Variants in DGKG observed in about 807,000 individuals in gnomAD.
DGKG encodes the protein diacylglycerol kinase gamma.
Under a neutral mutation model 105.3 loss-of-function variants are expected in DGKG, and 78 were observed. The observed-to-expected ratio is 0.74, with a 90% CI of 0.62 to 0.89. DGKG has a LOEUF of 0.89. DGKG is among the 40% of genes least tolerant of loss of function. The pLI, the probability that DGKG is intolerant of heterozygous loss-of-function variation, is 0.00. For missense variants in DGKG, 958 were observed against 1,020.1 expected (o/e 0.94, Z 0.83); for synonymous variants, 346 against 367.1 (o/e 0.94, Z 0.66).
intron 3 of DGKG, among the ~76,000 whole-genome samples, chr3:186,304,086 G>A (rs548769587): frequency 3.3e-5 from 5 of 152,326 alleles, no homozygotes; most frequent in African/African-American, 9.6e-5. Flanking sequence ...GGGCGGCTGC[G>A]TGCTCATAGC....
intron 22 of DGKG, among the ~76,000 whole-genome samples, chr3:186,165,462 C>A (rs1716495351): frequency 6.6e-6 from 1 of 152,214 alleles, no homozygotes; most frequent in Admixed American, 6.5e-5. Context: ...TTTGGCCCCA[C>A]TGACAATGAC....
chr3:186,265,656 T>TC (rs754981872), intron 13 of DGKG, among the ~76,000 whole-genome samples: 3 of 131,718 alleles, frequency 2.3e-5, no homozygotes, highest in South Asian at 2.5e-4. Context: ...TTTCTTCCTT[T>TC]CTTTTTTTTT....
At chr3:186,359,201 C>A (rs1727116517) in intron 1 of DGKG, among the ~76,000 whole-genome samples, 2 of 152,082 alleles carry the variant, frequency 1.3e-5, no homozygotes, top group African/African-American at 4.8e-5. Flanking sequence ...AATTAGTGTA[C>A]CCTTTTTGAA....
At chr3:186,254,607 A>G (rs1721375326) in intron 17 of DGKG, among the ~76,000 whole-genome samples, 1 of 151,882 alleles carries the variant, frequency 6.6e-6, no homozygotes, top group Admixed American at 6.6e-5. Context: ...ACATCCATTC[A>G]CATATCACAT....
At chr3:186,258,513 A>G (rs77309866) in intron 16 of DGKG, among the ~76,000 whole-genome samples, 2 of 152,074 alleles carry the variant, frequency 1.3e-5, no homozygotes, top group Admixed American at 1.3e-4. Flanking sequence ...ATACATTCTT[A>G]TTTTCCCTAA....
Position 186,298,063 on chromosome 3 carries a change from C to A in DGKG, c.310+1G>T, listed in dbSNP as rs768054768. ...CCCATCTTGGGGAAAGCTCTGTGTA[C>A]CTGCGCTGTTGGCCTCACTGTTGCT... On this transcript the variant is annotated splice_donor_variant, in intron 4 of 24. Coordinates refer to ENST00000265022, the MANE Select transcript of DGKG (RefSeq NM_001346.3). LOFTEE classifies it high-confidence loss of function. 1.9e-6 allele frequency: 3 copies of A among 1,605,634 alleles called. No individual in the cohort carries two copies. In the Admixed American group the frequency reaches 5.1e-5, roughly 27 times the overall value.
chr3:186,252,358 C>T (rs1222908550), intron 18 of DGKG, among the ~76,000 whole-genome samples: 2 of 152,252 alleles, frequency 1.3e-5, no homozygotes, highest in Non-Finnish European at 2.9e-5. Context: ...TGAACACTGA[C>T]CATTGCACTG....
chr3:186,345,537 A>G (rs1183069707), intron 1 of DGKG, among the ~76,000 whole-genome samples: 1 of 152,048 alleles, frequency 6.6e-6, no homozygotes, highest in Non-Finnish European at 1.5e-5. Flanking sequence ...GGTTATTGAA[A>G]ACTCTGTAAC....
intron 1 of DGKG, among the ~76,000 whole-genome samples, chr3:186,344,919 C>T (rs1011102859): frequency 3.9e-5 from 6 of 152,140 alleles, no homozygotes; most frequent in Non-Finnish European, 7.4e-5. Flanking sequence ...TTGGATATTA[C>T]GCAGCATATA....
chr3:186,231,901 C>G lies in DGKG; in HGVS notation c.1826+10603G>C, dbSNP rs530814941. Among the ~76,000 whole-genome samples, 1 of 152,026 alleles carries G rather than the reference C, an allele frequency of 6.6e-6. No individual in the cohort carries two copies. Among genetic ancestry groups the G allele is most frequent in the South Asian group, 2.1e-4 (1 of 4,816 alleles). On this transcript the variant is annotated intron_variant, in intron 20 of 24. Coordinates refer to ENST00000265022, the MANE Select transcript of DGKG (RefSeq NM_001346.3). This position sits in a 1 kb window ranked among gnomAD's most constrained non-coding sequence, Gnocchi z 4.5. ...GAGCCACTGACTCCAGCCTGGGTGA[C>G]AGAGAGAGAGACTCCGTCTCAAAAA...
At chr3:186,221,086 C>A (rs1719553790) in intron 20 of DGKG, among the ~76,000 whole-genome samples, 2 of 152,212 alleles carry the variant, frequency 1.3e-5, no homozygotes, top group South Asian at 4.1e-4. Flanking sequence ...TCCACTGTTA[C>A]CAAATGTGCT....
intron 20 of DGKG, 99 bp downstream of exon 20, chr3:186,242,405 C>T (rs765307093): frequency 1.2e-5 from 12 of 994,960 alleles, no homozygotes; most frequent in East Asian, 5.1e-5. Context: ...AAGTCCCCAG[C>T]GGCCCTGGCT....
Position 186,268,785 on chromosome 3 carries a change from C to G in DGKG, c.1116+16G>C. 2 of 1,589,920 alleles carry G rather than the reference C, an allele frequency of 1.3e-6. No homozygotes were observed. Among genetic ancestry groups the G allele is most frequent in the Non-Finnish European group, 1.7e-6 (2 of 1,159,374 alleles). On this transcript the variant is annotated intron_variant, in intron 12 of 24. Coordinates refer to ENST00000265022, the MANE Select transcript of DGKG (RefSeq NM_001346.3). ...AACGTTGAAAAGAAGCAGGGCCGCCCTGGGCGCCAACCCACCGTCATCCGG... is the reference window on the plus strand; with the variant it reads ...AACGTTGAAAAGAAGCAGGGCCGCCGTGGGCGCCAACCCACCGTCATCCGG...
intron 20 of DGKG, among the ~76,000 whole-genome samples, chr3:186,225,760 G>A (rs1324079074): frequency 6.6e-6 from 1 of 152,092 alleles, no homozygotes; most frequent in Non-Finnish European, 1.5e-5. Flanking sequence ...GTTTGGATTT[G>A]TGACCCCTCA....
chr3:186,353,871 T>C (rs1726775619), intron 1 of DGKG, among the ~76,000 whole-genome samples: 1 of 152,128 alleles, frequency 6.6e-6, no homozygotes, highest in African/African-American at 2.4e-5. Flanking sequence ...TTTGCATCAT[T>C]TAGGGATTAA....
chr3:186,214,292 A>G (rs1200815859), intron 20 of DGKG, among the ~76,000 whole-genome samples: 2 of 152,174 alleles, frequency 1.3e-5, no homozygotes, highest in Admixed American at 1.3e-4. Context: ...TCATCTCTAA[A>G]ATAGAGATAA....
intron 9 of DGKG, 151 bp downstream of exon 9, chr3:186,279,700 A>T (rs1047272814): frequency 1.3e-6 from 1 of 753,462 alleles, no homozygotes; most frequent in Non-Finnish European, 2.1e-6. Context: ...TAATGGATAC[A>T]AAATAATGTA....
At position 186,148,913 on chromosome 3, in the gene DGKG, A is replaced by G. The variant is rs1299466591; in HGVS notation, c.*1177T>C. On this transcript the variant is annotated 3_prime_UTR_variant, in exon 25 of 25. Coordinates refer to ENST00000265022, the MANE Select transcript of DGKG (RefSeq NM_001346.3). The stretch of plus-strand genomic sequence containing the variant: ...TACCACTTTCTGTCTCATACTACCT[A>G]TGTTTTTTTTTTCCAATGAGGAAAA... The G allele has an allele frequency of 2.0e-6, 2 of 977,098 alleles. No homozygotes were observed. The highest frequency in any genetic ancestry group is 1.8e-5 in the African/African-American group (1 of 54,386). The allele number at this position is 977,098 out of a possible 1,614,324, so 60.5% of individuals were successfully genotyped here. A position where few individuals can be genotyped will look rare whatever the true frequency, so the allele number is the denominator to read the frequency against.
At chr3:186,233,661 T>C (rs1020704895) in intron 20 of DGKG, among the ~76,000 whole-genome samples, 1 of 152,154 alleles carries the variant, frequency 6.6e-6, no homozygotes, top group Non-Finnish European at 1.5e-5. Context: ...GTTTTCGTAT[T>C]TTTAGTAGAG....
Sources: gnomAD v4.1 joint callset for allele counts (sites outside exome capture counted in the v4.1 genomes callset) on GRCh38, gnomAD v4.1.1 for gene constraint, Gnocchi (gnomAD v3.1) non-coding constraint, MANE v1.5 for transcripts, NCBI Gene and HGNC (gene_info 2026-07-23, HGNC 2026-07-21) for gene names.